SLAMF9: variants seen among roughly 807,000 people sequenced by gnomAD.
SLAMF9 encodes the protein CD2 family member 10.
A neutral mutation model predicts 30.4 loss-of-function variants in SLAMF9; 25 were observed. The observed-to-expected ratio is 0.82, with a 90% CI of 0.60 to 1.15. The LOEUF (loss-of-function observed/expected upper bound fraction) is 1.15, where lower values mean the gene tolerates loss of function less well. SLAMF9 is among the 50% of genes most tolerant of loss of function. The pLI, the probability that SLAMF9 is intolerant of heterozygous loss-of-function variation, is 0.00. For missense variants in SLAMF9, 344 were observed against 346.1 expected (o/e 0.99, Z 0.05); for synonymous variants, 129 against 127.2 (o/e 1.01, Z -0.09).
At chr1:159,957,527 G>A (rs967259715), upstream of SLAMF9, among the ~76,000 whole-genome samples, 5 of 152,108 alleles carry the variant, frequency 3.3e-5, no homozygotes, top group African/African-American at 1.2e-4. Context: ...AGGAGGCTGA[G>A]GCAGGAGAAT....
chr1:159,954,138 G>A lies in SLAMF9; in HGVS notation c.-1C>T, dbSNP rs773966863. On this transcript the variant is annotated 5_prime_UTR_variant, in exon 1 of 4. Coordinates refer to ENST00000368093, the MANE Select transcript of SLAMF9 (RefSeq NM_033438.4). ...GAAGCAGCCAAGGAAAGGCACACAT[G>A]TCAGCAGCCCCCAGCCCCAGAGGTG... 1 of 1,614,118 alleles carries A rather than the reference G, an allele frequency of 6.2e-7. No individual in the cohort carries two copies. The highest frequency in any genetic ancestry group is 8.5e-7 in the Non-Finnish European group (1 of 1,180,004).
the SLAMF9 span, among the ~76,000 whole-genome samples, chr1:159,977,742 G>A: frequency 6.6e-6 from 1 of 152,016 alleles, no homozygotes; most frequent in Non-Finnish European, 1.5e-5. Context: ...AGAAGCCTGA[G>A]CTCAGTAAGA....
the SLAMF9 span, among the ~76,000 whole-genome samples, chr1:159,961,688 G>A: frequency 1.3e-5 from 2 of 152,208 alleles, no homozygotes; most frequent in African/African-American, 4.8e-5. Flanking sequence ...GGAGCAGCCT[G>A]TGCAGGATCC....
At chr1:159,957,758 A>AC (rs1257621564), upstream of SLAMF9, among the ~76,000 whole-genome samples, 1 of 152,270 alleles carries the variant, frequency 6.6e-6, no homozygotes, top group Non-Finnish European at 1.5e-5. Context: ...AACATGTTGT[A>AC]CACCATAAAT....
At chr1:159,953,748 G>T in intron 1 of SLAMF9, 95 bp from the exon 2 acceptor site, 1 of 1,121,864 alleles carries the variant, frequency 8.9e-7, no homozygotes. Context: ...AATCTCAGCT[G>T]GGCAGCTTCT....
chr1:159,953,693 G>A, intron 1 of SLAMF9, 40 bp from the exon 2 acceptor site: 2 of 1,539,212 alleles, frequency 1.3e-6, no homozygotes, highest in Non-Finnish European at 1.8e-6. Context: ...CCCAGCTGCT[G>A]TCTCTGGGCT....
At chr1:159,953,235 G>A (rs1557942900) in intron 2 of SLAMF9, 74 bp downstream of exon 2, 3 of 1,273,108 alleles carry the variant, frequency 2.4e-6, no homozygotes, top group East Asian at 2.3e-5. Flanking sequence ...CAAGTCCTGA[G>A]ACGCCCACTC....
chr1:159,973,209 C>A, the SLAMF9 span: 1 of 1,339,256 alleles, frequency 7.5e-7, no homozygotes, highest in Admixed American at 1.7e-5. Flanking sequence ...TGTTTGACAT[C>A]TCAGGGTAAC....
At chr1:159,981,722 G>A in the SLAMF9 span, among the ~76,000 whole-genome samples, 1 of 152,240 alleles carries the variant, frequency 6.6e-6, no homozygotes, top group African/African-American at 2.4e-5. Flanking sequence ...TTTTGGTTGT[G>A]TTGGGTGTTC....
At chr1:159,973,811 C>T in the SLAMF9 span, 1 of 1,613,802 alleles carries the variant, frequency 6.2e-7, no homozygotes, top group South Asian at 1.1e-5. Flanking sequence ...GGACTTGAAC[C>T]ATGGCAGTCT....
the SLAMF9 span, among the ~76,000 whole-genome samples, chr1:159,964,202 A>C: frequency 3.9e-5 from 6 of 152,246 alleles, no homozygotes; most frequent in Non-Finnish European, 8.8e-5. Flanking sequence ...AAGTTTGGGA[A>C]TCACTACACT....
At chr1:159,964,915 C>T in the SLAMF9 span, among the ~76,000 whole-genome samples, 1 of 152,100 alleles carries the variant, frequency 6.6e-6, no homozygotes, top group Non-Finnish European at 1.5e-5. Context: ...TGAGGGAAGC[C>T]CTGGGCCACC....
the SLAMF9 span, among the ~76,000 whole-genome samples, chr1:159,963,175 G>C: frequency 6.6e-6 from 1 of 152,196 alleles, no homozygotes; most frequent in Non-Finnish European, 1.5e-5. Flanking sequence ...ATTCGGCATG[G>C]AGTTGGCACA....
At chr1:159,979,368 T>G in the SLAMF9 span, among the ~76,000 whole-genome samples, 1 of 152,186 alleles carries the variant, frequency 6.6e-6, no homozygotes, top group Admixed American at 6.5e-5. Flanking sequence ...GGTAGGAAAA[T>G]AAGAAGAAAT....
chr1:159,979,966 T>C, the SLAMF9 span, among the ~76,000 whole-genome samples: 1 of 152,162 alleles, frequency 6.6e-6, no homozygotes, highest in African/African-American at 2.4e-5. Flanking sequence ...CAGGACGTTT[T>C]AGGAAACTTT....
At chr1:159,978,040 T>G in the SLAMF9 span, among the ~76,000 whole-genome samples, 1 of 151,990 alleles carries the variant, frequency 6.6e-6, no homozygotes, top group African/African-American at 2.4e-5. Context: ...CTACACAGAT[T>G]TGAAAACTGC....
At chr1:159,983,068 G>C in the SLAMF9 span, 1 of 152,100 alleles carries the variant, frequency 6.6e-6, no homozygotes, top group African/African-American at 2.4e-5. Context: ...ATCAACATTA[G>C]AGTTTCTAGC....
chr1:159,983,488 A>G, the SLAMF9 span: 19 of 150,466 alleles, frequency 1.3e-4, no homozygotes, highest in African/African-American at 3.4e-4. Context: ...ATTTCTGACC[A>G]CTCCTTGGTT....
At chr1:159,979,861 T>TTACAGCAGC in the SLAMF9 span, among the ~76,000 whole-genome samples, 2 of 152,058 alleles carry the variant, frequency 1.3e-5, no homozygotes, top group Non-Finnish European at 2.9e-5. Context: ...GCCCATCCTG[T>TTACAGCAGC]TGGAGGTCTC....
Sources: allele counts gnomAD v4.1 joint callset (sites outside exome capture counted in the v4.1 genomes callset), GRCh38; gene constraint gnomAD v4.1.1; transcripts MANE v1.5; gene names NCBI Gene and HGNC (gene_info 2026-07-23, HGNC 2026-07-21).